DHX32: variants seen among roughly 807,000 people sequenced by gnomAD.
The protein encoded by DHX32 is DEAH-box helicase 32 (putative).
In DHX32, 51 loss-of-function variants were observed where a neutral mutation model predicts 70.0. That is an observed-to-expected ratio of 0.73 (90% confidence interval 0.58 to 0.92). The LOEUF is 0.92. Ranked by LOEUF, DHX32 falls within the 40% of genes least tolerant of loss-of-function variation. The pLI, the probability that DHX32 is intolerant of heterozygous loss-of-function variation, is 0.00. For synonymous variants in DHX32, 310 were observed against 315.3 expected (o/e 0.98, Z 0.18); for missense variants, 762 against 891.8 (o/e 0.85, Z 1.85).
Position 125,836,632 on chromosome 10 carries a change from G to T in DHX32, c.*55C>A. 1 of 1,585,430 alleles carries T rather than the reference G, an allele frequency of 6.3e-7. No homozygotes were observed. The highest frequency in any genetic ancestry group is 1.2e-5 in the South Asian group (1 of 86,492). ...CGTCATGTATCTCCCATATCCAGCA[G>T]TTCAGCCATCCAGCTACCTTTGGGA... On this transcript the variant is annotated 3_prime_UTR_variant, in exon 11 of 11. Coordinates refer to ENST00000284690, the MANE Select transcript of DHX32 (RefSeq NM_018180.3).
intron 6 of DHX32, among the ~76,000 whole-genome samples, chr10:125,851,370 A>G (rs1274475791): frequency 6.6e-6 from 1 of 152,238 alleles, no homozygotes; most frequent in East Asian, 1.9e-4. Context: ...TCATGGAATG[A>G]GCAGCACAGA....
intron 6 of DHX32, among the ~76,000 whole-genome samples, chr10:125,844,576 TAATA>T (rs926103090): frequency 4.6e-5 from 7 of 152,256 alleles, no homozygotes; most frequent in African/African-American, 1.2e-4. Flanking sequence ...TGAAGAACAT[TAATA>T]AATAACTAAA....
At chr10:125,838,137 ATT>A in intron 10 of DHX32, 67 bp downstream of exon 10, 1 of 1,444,594 alleles carries the variant, frequency 6.9e-7, no homozygotes. Context: ...TAAAAGCCAA[ATT>A]TGTCATTTAC....
chr10:125,852,521 G>A lies in DHX32; in HGVS notation c.1192+22C>T, dbSNP rs762558209. On this transcript the variant is annotated intron_variant, in intron 5 of 10. Transcript: ENST00000284690. Reference sequence around the variant, plus strand: ...TGCATACAAGAATTGACAACATTTAGTATTTGTGTCCACAGCACTACCTGA... The same window carrying A: ...TGCATACAAGAATTGACAACATTTAATATTTGTGTCCACAGCACTACCTGA... 14 of 1,613,002 alleles carry A rather than the reference G, an allele frequency of 8.7e-6. No individual in the cohort carries two copies. In the Middle Eastern group the frequency reaches 9.9e-4, roughly 114 times the overall value.
Position 125,867,019 on chromosome 10 carries a change from C to G in DHX32, c.447G>C (p.Glu149Asp). 1 of 1,614,038 alleles carries G rather than the reference C, an allele frequency of 6.2e-7. No individual in the cohort carries two copies. Among genetic ancestry groups the G allele is most frequent in the Non-Finnish European group, 8.5e-7 (1 of 1,179,922 alleles). ...GGATTGTTTCGTTGGTACAGCAGTT[C>G]TCGAAAGGGATCACGTAGCCAACCT... ...GHEVGYVIPF[E>D]NCCTNETILR... Residue 149 changes from glutamate to aspartate, a missense_variant, in exon 2 of 11, where the codon GAG becomes GAC. Transcript: ENST00000284690.
rs778997306 is a variant in DHX32 at position 125,852,463 on chromosome 10, C to G, written c.1193-12G>C. ...GCAGAAAAATTTTCCTAAAAGACACCAAGAAAAATGGCTTTAATATTTCTG... is the reference window on the plus strand; with the variant it reads ...GCAGAAAAATTTTCCTAAAAGACACGAAGAAAAATGGCTTTAATATTTCTG... On this transcript the variant is annotated splice_polypyrimidine_tract_variant and intron_variant, in intron 5 of 10. Coordinates refer to ENST00000284690, the MANE Select transcript of DHX32 (RefSeq NM_018180.3). 3 of 1,613,558 alleles carry G rather than the reference C, an allele frequency of 1.9e-6. No homozygotes were observed. Among genetic ancestry groups the G allele is most frequent in the Non-Finnish European group, 8.5e-7 (1 of 1,179,864 alleles).
intron 1 of DHX32, among the ~76,000 whole-genome samples, chr10:125,887,380 AG>A (rs1471186475): frequency 1.3e-5 from 2 of 152,228 alleles, no homozygotes; most frequent in African/African-American, 4.8e-5. Flanking sequence ...ATTACTTAAA[AG>A]AAGGCAAGTG....
At chr10:125,853,004 T>C (rs753874478) in intron 4 of DHX32, 26 of 721,534 alleles carry the variant, frequency 3.6e-5, no homozygotes, top group Non-Finnish European at 5.6e-5. Context: ...TGTTTCTTTA[T>C]AGTTTTGTTC....
At chr10:125,869,832 A>C (rs1355062988) in intron 1 of DHX32, among the ~76,000 whole-genome samples, 1 of 152,124 alleles carries the variant, frequency 6.6e-6, no homozygotes, top group Non-Finnish European at 1.5e-5. Context: ...GACATATGGT[A>C]GGGATAAGAG....
chr10:125,874,628 C>A (rs942839184), intron 1 of DHX32, among the ~76,000 whole-genome samples: 2 of 152,028 alleles, frequency 1.3e-5, no homozygotes, highest in South Asian at 2.1e-4. Context: ...AATCTGAGAA[C>A]AGGTAAAGAT....
chr10:125,877,546 G>A (rs745628231), intron 1 of DHX32, among the ~76,000 whole-genome samples: 3 of 152,104 alleles, frequency 2.0e-5, no homozygotes, highest in Non-Finnish European at 2.9e-5. Flanking sequence ...AATAAGCCAA[G>A]CATGATGGTG....
intron 7 of DHX32, chr10:125,841,202 T>C: frequency 6.4e-7 from 1 of 1,552,622 alleles, no homozygotes; most frequent in Non-Finnish European, 8.9e-7. Context: ...TGTGTGTGTT[T>C]GCTTTTCTAA....
chr10:125,867,547 T>C (rs1207619944), intron 1 of DHX32, among the ~76,000 whole-genome samples: 5 of 152,022 alleles, frequency 3.3e-5, no homozygotes, highest in East Asian at 1.9e-4. Flanking sequence ...CCATCCTGGC[T>C]AACATGGTGA....
intron 2 of DHX32, among the ~76,000 whole-genome samples, chr10:125,863,694 C>T (rs1343648438): frequency 2.6e-5 from 4 of 152,064 alleles, no homozygotes. Flanking sequence ...TGGGATCTGC[C>T]CGCCTTGGCT....
In DHX32 at chr10:125,848,605, T is replaced by C. The variant is rs114019971; in HGVS notation, c.1351+3688A>G. ...CCCAAGTCCAGTGCTGTTGCTGTTA[T>C]CTGCCATGGCTCTTCCTGGCTCCGG... On this transcript the variant is annotated intron_variant, in intron 6 of 10. Transcript: ENST00000284690. Among the ~76,000 whole-genome samples, 192 of 152,320 alleles carry C rather than the reference T, an allele frequency of 1.3e-3. 1 individual carries two copies. The highest frequency in any genetic ancestry group is 4.5e-3 in the African/African-American group (185 of 41,568).
chr10:125,838,047 A>G (rs1042786032), intron 10 of DHX32, among the ~76,000 whole-genome samples, 159 bp downstream of exon 10: 2 of 152,244 alleles, frequency 1.3e-5, no homozygotes, highest in African/African-American at 4.8e-5. Context: ...TTTCTTAGGT[A>G]TCATCCACAG....
At chr10:125,838,513 A>G in intron 9 of DHX32, 126 bp from the exon 10 acceptor site, 2 of 887,550 alleles carry the variant, frequency 2.3e-6, no homozygotes, top group Non-Finnish European at 3.2e-6. Flanking sequence ...TTTGCCACTC[A>G]TGTTTCCTAC....
At chr10:125,850,358 T>TTTC (rs1564825656) in intron 6 of DHX32, among the ~76,000 whole-genome samples, 1 of 147,444 alleles carries the variant, frequency 6.8e-6, no homozygotes, top group Non-Finnish European at 1.5e-5. Flanking sequence ...TTCTTTCTTT[T>TTTC]TTTTTTTTTT....
Position 125,852,577 on chromosome 10 carries a change from C to T in DHX32, c.1158G>A (p.Glu386=). 2 of 1,613,826 alleles carry T rather than the reference C, an allele frequency of 1.2e-6. No homozygotes were observed. Among genetic ancestry groups the T allele is most frequent in the South Asian group, 2.2e-5 (2 of 91,008 alleles). The part of the protein sequence containing the change: ...VMQPISQSQA[E]IRKQILGSSS... ...ATGAGCCAAGAATCTGCTTGCGTAT[C>T]TCTGCCTGGCTCTGGCTGATGGGCT... is the stretch of plus-strand genomic sequence containing the variant. The change falls in exon 5 of 11, where the codon GAG becomes GAA. Residue 386 remains glutamate (E), a synonymous_variant. Coordinates refer to ENST00000284690, the MANE Select transcript of DHX32 (RefSeq NM_018180.3).
Sources: gnomAD v4.1 joint callset for allele counts (sites outside exome capture counted in the v4.1 genomes callset) on GRCh38, gnomAD v4.1.1 for gene constraint, MANE v1.5 for transcripts, NCBI Gene and HGNC (gene_info 2026-07-23, HGNC 2026-07-21) for gene names.